The following GPC5 variants were observed in gnomAD, a reference collection of about 807,000 sequenced individuals.
GPC5 encodes the protein glypican 5.
A neutral mutation model predicts 53.9 loss-of-function variants in GPC5; 47 were observed. That is an observed-to-expected ratio of 0.87 (90% CI 0.69 to 1.11). The LOEUF (loss-of-function observed/expected upper bound fraction) is 1.11, where lower values mean the gene tolerates loss of function less well. Among genes scored for constraint, GPC5 ranks in the 50% most tolerant of loss-of-function variants. The pLI, the probability that GPC5 is intolerant of heterozygous loss-of-function variation, is 0.00. For missense variants in GPC5, 748 were observed against 713.1 expected, an observed-to-expected ratio of 1.05 and a Z score of -0.56; for synonymous variants, 286 against 263.3, an observed-to-expected ratio of 1.09 and a Z score of -0.84.
chr13:92,361,262 T>A (rs74107228), intron 7 of GPC5, among the ~76,000 whole-genome samples: 4,413 of 151,742 alleles, frequency 0.029, 365 homozygotes, highest in African/African-American at 0.1. Context: ...AAACATCTTG[T>A]GGGTCGGGTT....
chr13:91,807,666 AAT>A (rs1594582455), intron 5 of GPC5, among the ~76,000 whole-genome samples: 1 of 152,268 alleles, frequency 6.6e-6, no homozygotes, highest in East Asian at 1.9e-4. Context: ...GAGGAATGAC[AAT>A]CTGTTGTGCA....
intron 7 of GPC5, among the ~76,000 whole-genome samples, chr13:92,441,498 A>C (rs1877562754): frequency 6.6e-6 from 1 of 152,234 alleles, no homozygotes; most frequent in Admixed American, 6.5e-5. Flanking sequence ...TTCAGGATAC[A>C]AAATCAGTGT....
intron 2 of GPC5, among the ~76,000 whole-genome samples, chr13:91,609,025 A>G (rs77405702): frequency 0.082 from 11,405 of 138,768 alleles, 2,207 homozygotes; most frequent in South Asian, 0.28. Flanking sequence ...CATAAAATTT[A>G]GATTTGACCA....
At chr13:91,477,794 A>G (rs371677522) in intron 2 of GPC5, among the ~76,000 whole-genome samples, 59 of 152,336 alleles carry the variant, frequency 3.9e-4, no homozygotes, top group African/African-American at 1.3e-3. Context: ...GCCCAATGCT[A>G]TGCGGCATAG....
chr13:92,536,401 G>C (rs1881724072), intron 7 of GPC5, among the ~76,000 whole-genome samples: 1 of 152,116 alleles, frequency 6.6e-6, no homozygotes, highest in Non-Finnish European at 1.5e-5. Flanking sequence ...TGAACAAGGT[G>C]CTAGTTTAAT....
chr13:91,793,856 T>TG (rs777134640), intron 5 of GPC5, among the ~76,000 whole-genome samples: 1 of 152,086 alleles, frequency 6.6e-6, no homozygotes, highest in Non-Finnish European at 1.5e-5. Flanking sequence ...GAGACCAGTA[T>TG]GGGGGAAACC....
chr13:92,240,324 A>G (rs1248561880), intron 7 of GPC5: 2 of 152,182 alleles, frequency 1.3e-5, no homozygotes, highest in Admixed American at 6.5e-5. Context: ...CCAATAATAT[A>G]TTAAGCAATT....
intron 6 of GPC5, among the ~76,000 whole-genome samples, chr13:91,948,240 A>T (rs9523456): frequency 0.84 from 124,122 of 147,940 alleles, 52,258 homozygotes; most frequent in East Asian, 0.98. Context: ...AAAAAAAAAA[A>T]AAATAAATAA....
At chr13:92,475,938 G>T (rs9589558) in intron 7 of GPC5, among the ~76,000 whole-genome samples, 2,389 of 150,498 alleles carry the variant, frequency 0.016, 60 homozygotes, top group African/African-American at 0.053. Flanking sequence ...ACCATAAAAA[G>T]CCTAGAAGAA....
chr13:91,709,547 C>T (rs566820054), intron 3 of GPC5, among the ~76,000 whole-genome samples: 1 of 152,332 alleles, frequency 6.6e-6, no homozygotes, highest in South Asian at 2.1e-4. Context: ...TAATGCTACT[C>T]CTCATTTCTG....
chr13:92,810,135 G>A (rs575731774), intron 7 of GPC5, among the ~76,000 whole-genome samples: 44 of 152,094 alleles, frequency 2.9e-4, no homozygotes, highest in Non-Finnish European at 5.3e-4. Flanking sequence ...TTACAAGTAT[G>A]GAGGTTATTG....
intron 7 of GPC5, among the ~76,000 whole-genome samples, chr13:92,174,507 C>A: frequency 6.6e-6 from 1 of 151,316 alleles, no homozygotes; most frequent in Non-Finnish European, 1.5e-5. Flanking sequence ...TGCATTCCAG[C>A]CTAGGCGACA....
chr13:91,787,740 CAT>C (rs1485118081), intron 5 of GPC5, among the ~76,000 whole-genome samples: 2 of 151,982 alleles, frequency 1.3e-5, no homozygotes, highest in Non-Finnish European at 2.9e-5. Context: ...TATTTATAAA[CAT>C]GTATATTTAT....
intron 2 of GPC5, among the ~76,000 whole-genome samples, chr13:91,489,328 G>A (rs765911413): frequency 2.6e-4 from 39 of 151,956 alleles, no homozygotes; most frequent in Non-Finnish European, 4.1e-4. Context: ...TGTCTCCCCC[G>A]GACACCCAGC....
chr13:91,723,014 TG>T (rs1301629564), intron 3 of GPC5, among the ~76,000 whole-genome samples: 1 of 152,198 alleles, frequency 6.6e-6, no homozygotes, highest in African/African-American at 2.4e-5. Context: ...AATGTACTAG[TG>T]TTTTAAAAGT....
intron 7 of GPC5, among the ~76,000 whole-genome samples, chr13:92,549,567 T>C (rs1445511770): frequency 6.6e-6 from 1 of 152,066 alleles, no homozygotes; most frequent in Non-Finnish European, 1.5e-5. Flanking sequence ...CATCCTGGCA[T>C]TGAAATGAAT....
At chr13:92,208,692 G>T (rs776815239) in intron 7 of GPC5, among the ~76,000 whole-genome samples, 3 of 152,094 alleles carry the variant, frequency 2.0e-5, no homozygotes, top group Non-Finnish European at 4.4e-5. Flanking sequence ...TGAAAGGGTC[G>T]CTCTACCATA....
At chr13:92,669,186 A>G (rs1345446473) in intron 7 of GPC5, among the ~76,000 whole-genome samples, 2 of 152,288 alleles carry the variant, frequency 1.3e-5, no homozygotes, top group East Asian at 1.9e-4. Flanking sequence ...TCATTTCTGT[A>G]TGTAATCAAG....
intron 7 of GPC5, among the ~76,000 whole-genome samples, chr13:92,847,968 C>T (rs1946953542): frequency 6.6e-6 from 1 of 152,118 alleles, no homozygotes; most frequent in Admixed American, 6.5e-5. Flanking sequence ...TGCACAATGT[C>T]TGACTAGCTT....
Sources: gnomAD v4.1 joint callset for allele counts (sites outside exome capture counted in the v4.1 genomes callset) on GRCh38, gnomAD v4.1.1 for gene constraint, MANE v1.5 for transcripts, NCBI Gene and HGNC (gene_info 2026-07-23, HGNC 2026-07-21) for gene names.